Variants in CAMK2D observed in about 807,000 individuals in gnomAD.
The protein encoded by CAMK2D is calcium/calmodulin-dependent protein kinase type II subunit delta.
CAMK2D carries 37 observed loss-of-function variants against 84.0 expected under a neutral mutation model. That is an observed-to-expected ratio of 0.44 (90% CI 0.34 to 0.58). CAMK2D has a LOEUF of 0.58. Among genes scored for constraint, CAMK2D ranks in the 20% least tolerant of loss-of-function variants. The pLI, the probability that CAMK2D is intolerant of heterozygous loss-of-function variation, is 0.02. For missense variants in CAMK2D, 448 were observed against 652.5 expected, an observed-to-expected ratio of 0.69 and a Z score of 3.41; for synonymous variants, 202 against 212.5, an observed-to-expected ratio of 0.95 and a Z score of 0.43.
At chr4:113,603,805 A>ATATACATATAT (rs1561291511) in intron 4 of CAMK2D, among the ~76,000 whole-genome samples, 1 of 136,898 alleles carries the variant, frequency 7.3e-6, no homozygotes, top group East Asian at 2.0e-4. Context: ...ATATATATTT[A>ATATACATATAT]AAACAGTAAG....
chr4:113,508,703 T>C (rs1210997638), intron 13 of CAMK2D, among the ~76,000 whole-genome samples: 1 of 152,186 alleles, frequency 6.6e-6, no homozygotes, highest in Non-Finnish European at 1.5e-5. Flanking sequence ...GCTCCAGAAA[T>C]TTCCAAGTTG....
At chr4:113,599,718 C>T (rs886849089) in intron 4 of CAMK2D, among the ~76,000 whole-genome samples, 11 of 151,946 alleles carry the variant, frequency 7.2e-5, no homozygotes, top group Admixed American at 3.3e-4. Context: ...TTGTATGTTA[C>T]GTGTATTATA....
At chr4:113,698,537 T>C (rs2099409564) in intron 2 of CAMK2D, among the ~76,000 whole-genome samples, 1 of 152,178 alleles carries the variant, frequency 6.6e-6, no homozygotes, top group Non-Finnish European at 1.5e-5. Context: ...ATTATTATTA[T>C]CTTACACACT....
intron 3 of CAMK2D, among the ~76,000 whole-genome samples, chr4:113,655,055 G>A (rs944257846): frequency 9.2e-5 from 14 of 151,830 alleles, no homozygotes; most frequent in East Asian, 3.9e-4. Context: ...TAAATTAATC[G>A]TCTTACAAAA....
intron 3 of CAMK2D, among the ~76,000 whole-genome samples, chr4:113,656,752 C>T (rs971379701): frequency 6.6e-6 from 1 of 152,154 alleles, no homozygotes; most frequent in African/African-American, 2.4e-5. Context: ...ATGGCTTCCA[C>T]CTGTCATTTA....
At chr4:113,653,836 A>G (rs1047699178) in intron 3 of CAMK2D, among the ~76,000 whole-genome samples, 1 of 152,010 alleles carries the variant, frequency 6.6e-6, no homozygotes, top group Non-Finnish European at 1.5e-5. Flanking sequence ...TGGGTTCCTT[A>G]CAGAACCTGA....
chr4:113,570,473 G>A (rs1311292739), intron 4 of CAMK2D, among the ~76,000 whole-genome samples: 1 of 152,112 alleles, frequency 6.6e-6, no homozygotes, highest in Non-Finnish European at 1.5e-5. Context: ...GAAGAGAACT[G>A]AGAGCCTAGA....
At chr4:113,462,486 C>G (rs1348799271) in intron 17 of CAMK2D, among the ~76,000 whole-genome samples, 1 of 152,080 alleles carries the variant, frequency 6.6e-6, no homozygotes, top group Non-Finnish European at 1.5e-5. Flanking sequence ...TGACAGGGAT[C>G]CACCAGTACA....
intron 2 of CAMK2D, among the ~76,000 whole-genome samples, chr4:113,712,637 T>C (rs755127895): frequency 6.6e-6 from 1 of 152,062 alleles, no homozygotes; most frequent in Non-Finnish European, 1.5e-5. Context: ...ATTGTAAAAA[T>C]GGAAATCTGT....
At chr4:113,720,431 A>T (rs1036711805) in intron 2 of CAMK2D, among the ~76,000 whole-genome samples, 1 of 151,926 alleles carries the variant, frequency 6.6e-6, no homozygotes, top group Non-Finnish European at 1.5e-5. Context: ...AGATTTAGCA[A>T]TTCAGAATCA....
At chr4:113,466,275 T>TAAAC in intron 16 of CAMK2D, among the ~76,000 whole-genome samples, 1 of 150,544 alleles carries the variant, frequency 6.6e-6, no homozygotes, top group African/African-American at 2.4e-5. Context: ...AATAAATAAA[T>TAAAC]AAATAAATAA....
rs528564630 is a variant in CAMK2D, at chr4:113,677,220, A to G, written c.161-15448T>C. 2.6e-5 allele frequency among the ~76,000 whole-genome samples: 4 copies of G among 152,314 alleles called. No homozygotes were observed. In the South Asian group the frequency reaches 8.3e-4, roughly 32 times the overall value. ...GACTCCCTACCATTGGCTCACATAC[A>G]TAGCACAAATTCCACCTCTATATTA... is the stretch of plus-strand genomic sequence containing the variant. On this transcript the variant is annotated intron_variant, in intron 2 of 20. Coordinates refer to ENST00000511664, the MANE Select transcript of CAMK2D (RefSeq NM_001321571.2).
At chr4:113,575,875 T>C (rs1222060005) in intron 4 of CAMK2D, among the ~76,000 whole-genome samples, 1 of 152,186 alleles carries the variant, frequency 6.6e-6, no homozygotes, top group Non-Finnish European at 1.5e-5. Flanking sequence ...GCAAATATTT[T>C]AGTTATGTAA....
chr4:113,503,011 C>A (rs187401069), intron 14 of CAMK2D, 34 bp from the exon 15 acceptor site: 2 of 1,493,594 alleles, frequency 1.3e-6, no homozygotes. Context: ...AGAAACAGTT[C>A]GCATTGGTAA....
chr4:113,606,755 A>G (rs2098979442), intron 4 of CAMK2D, among the ~76,000 whole-genome samples: 1 of 152,190 alleles, frequency 6.6e-6, no homozygotes, highest in Admixed American at 6.5e-5. Flanking sequence ...TTTGCCAAAC[A>G]AAGATGGACC....
At chr4:113,627,585 T>C (rs954214632) in intron 3 of CAMK2D, among the ~76,000 whole-genome samples, 2 of 152,198 alleles carry the variant, frequency 1.3e-5, no homozygotes, top group African/African-American at 2.4e-5. Flanking sequence ...ATGAAGCTTA[T>C]CTAACACACA....
chr4:113,512,600 G>A (rs1199329246), intron 12 of CAMK2D, among the ~76,000 whole-genome samples: 1 of 152,120 alleles, frequency 6.6e-6, no homozygotes, highest in Non-Finnish European at 1.5e-5. Context: ...TTGAGACGGA[G>A]TCTCGCTCTG....
chr4:113,497,684 A>G (rs1220879907), intron 16 of CAMK2D, among the ~76,000 whole-genome samples: 1 of 152,246 alleles, frequency 6.6e-6, no homozygotes, highest in African/African-American at 2.4e-5. Flanking sequence ...GAGAGGACAC[A>G]GAAGCTGTCC....
At chr4:113,601,679 T>C (rs932023162) in intron 4 of CAMK2D, among the ~76,000 whole-genome samples, 2 of 143,488 alleles carry the variant, frequency 1.4e-5, no homozygotes, top group African/African-American at 2.5e-5. Context: ...ATTAACTGTT[T>C]ATTCTTTTTT....
Sources: gnomAD v4.1 joint callset for allele counts (sites outside exome capture counted in the v4.1 genomes callset) on GRCh38, gnomAD v4.1.1 for gene constraint, MANE v1.5 for transcripts, NCBI Gene and HGNC (gene_info 2026-07-23, HGNC 2026-07-21) for gene names.